Variants in ATP8A1 observed in about 807,000 individuals in gnomAD.
ATP8A1 encodes ATPase phospholipid transporting 8A1, also known as phospholipid-transporting ATPase IA.
In ATP8A1, 90 loss-of-function variants were observed where a neutral mutation model predicts 177.7. The ratio of observed to expected loss-of-function variants is 0.51; its 90% confidence interval spans 0.43 to 0.60. The LOEUF (loss-of-function observed/expected upper bound fraction) is 0.60, where lower values mean the gene tolerates loss of function less well. Among genes scored for constraint, ATP8A1 ranks in the 20% least tolerant of loss-of-function variants. The pLI, the probability that ATP8A1 is intolerant of heterozygous loss-of-function variation, is 0.00. For synonymous variants in ATP8A1, 493 were observed against 485.9 expected, an observed-to-expected ratio of 1.01 and a Z score of -0.19; for missense variants, 1,072 against 1,392.8, an observed-to-expected ratio of 0.77 and a Z score of 3.67.
chr4:42,602,331 C>T (rs1735367360), intron 5 of ATP8A1, among the ~76,000 whole-genome samples: 1 of 152,174 alleles, frequency 6.6e-6, no homozygotes, highest in African/African-American at 2.4e-5. Flanking sequence ...AAATCCCCTG[C>T]TCGATGTTGC....
intron 22 of ATP8A1, among the ~76,000 whole-genome samples, chr4:42,520,773 A>C (rs1726039897): frequency 6.6e-6 from 1 of 152,212 alleles, no homozygotes; most frequent in African/African-American, 2.4e-5. Context: ...CTACATATCT[A>C]TCTCTATATA....
chr4:42,467,068 T>C (rs974816303), intron 25 of ATP8A1, among the ~76,000 whole-genome samples: 6 of 152,210 alleles, frequency 3.9e-5, no homozygotes, highest in Admixed American at 2.6e-4. Context: ...ATAACTAAAC[T>C]TGTAATAAAG....
At chr4:42,486,245 G>A (rs989836944) in intron 24 of ATP8A1, among the ~76,000 whole-genome samples, 8 of 152,136 alleles carry the variant, frequency 5.3e-5, no homozygotes, top group African/African-American at 1.9e-4. Flanking sequence ...AGAGGCAAAG[G>A]TAAAGGAGAA....
intron 6 of ATP8A1, among the ~76,000 whole-genome samples, chr4:42,595,901 G>C (rs1009049411): frequency 3.9e-5 from 6 of 152,170 alleles, no homozygotes; most frequent in Non-Finnish European, 8.8e-5. Context: ...CAATAAAATA[G>C]TAACAATTTA....
At chr4:42,506,675 C>T (rs974714614) in intron 23 of ATP8A1, among the ~76,000 whole-genome samples, 5 of 150,908 alleles carry the variant, frequency 3.3e-5, no homozygotes, top group East Asian at 2.0e-4. Flanking sequence ...TATGGAAGCC[C>T]GAGCTATTAT....
chr4:42,565,253 T>C (rs1344330147), intron 15 of ATP8A1, among the ~76,000 whole-genome samples: 1 of 152,234 alleles, frequency 6.6e-6, no homozygotes, highest in Non-Finnish European at 1.5e-5. Flanking sequence ...AAACATTCTG[T>C]GAAATGGCTG....
In ATP8A1 at chr4:42,418,405, A is replaced by C. The variant is rs375673342; in HGVS notation, c.3306-3687T>G. ...CTTCACACATACTCCAATGATATCC[A>C]AAAATAATTGTCCTGCCTCCAATGA... is the stretch of plus-strand genomic sequence containing the variant. On this transcript the variant is annotated intron_variant, in intron 35 of 36. Coordinates refer to ENST00000381668, the MANE Select transcript of ATP8A1 (RefSeq NM_006095.2). 2.6e-5 allele frequency among the ~76,000 whole-genome samples: 4 copies of C among 152,246 alleles called. No homozygotes were observed. The East Asian group carries it at 7.7e-4, about 29-fold the overall frequency.
chr4:42,559,886 A>T (rs1215319630), intron 15 of ATP8A1, among the ~76,000 whole-genome samples: 4 of 152,148 alleles, frequency 2.6e-5, no homozygotes, highest in African/African-American at 9.7e-5. Flanking sequence ...TTGTATTTTT[A>T]GTAGAGACAA....
At chr4:42,413,060 C>T (rs553131303) in intron 36 of ATP8A1, 47 bp from the exon 37 acceptor site, 1 of 1,505,410 alleles carries the variant, frequency 6.6e-7, no homozygotes, top group Admixed American at 1.7e-5. Flanking sequence ...GCACTGGAAA[C>T]CACCGTTATT....
At chr4:42,626,915 CT>C in intron 2 of ATP8A1, 79 bp downstream of exon 2, 1 of 1,058,154 alleles carries the variant, frequency 9.5e-7, no homozygotes, top group Non-Finnish European at 1.5e-6. Context: ...GCACTGAAAG[CT>C]CTTTGCAAGC....
chr4:42,624,401 T>C (rs1442028081), intron 4 of ATP8A1, 135 bp downstream of exon 4: 1 of 471,310 alleles, frequency 2.1e-6, no homozygotes, highest in Non-Finnish European at 3.7e-6. Flanking sequence ...TAGGAACATA[T>C]TCTAGACATT....
Position 42,623,715 on chromosome 4 carries a change from G to A in ATP8A1, c.363+821C>T, listed in dbSNP as rs907619725. Among the ~76,000 whole-genome samples, 5 of 152,144 alleles carry A rather than the reference G, an allele frequency of 3.3e-5. No homozygotes were observed. In the South Asian group the frequency reaches 8.3e-4, roughly 25 times the overall value. ...CATTGGAGGGTGGAGGGTGGGAGGAGGGAGAGGATCAGGAAAAATAACTAA... is the reference window on the plus strand; with the variant it reads ...CATTGGAGGGTGGAGGGTGGGAGGAAGGAGAGGATCAGGAAAAATAACTAA... On this transcript the variant is annotated intron_variant, in intron 4 of 36. Transcript: ENST00000381668.
At chr4:42,449,517 C>G (rs554118178) in intron 30 of ATP8A1, among the ~76,000 whole-genome samples, 1 of 152,260 alleles carries the variant, frequency 6.6e-6, no homozygotes, top group East Asian at 1.9e-4. Context: ...CTATATATTA[C>G]ACAGCATGTG....
At chr4:42,452,617 G>GTGA (rs1718049110) in intron 29 of ATP8A1, among the ~76,000 whole-genome samples, 1 of 152,106 alleles carries the variant, frequency 6.6e-6, no homozygotes, top group Non-Finnish European at 1.5e-5. Context: ...TTTACTAAAG[G>GTGA]CTTTCACAAT....
chr4:42,486,942 G>C (rs1722257286), intron 24 of ATP8A1, among the ~76,000 whole-genome samples: 1 of 152,110 alleles, frequency 6.6e-6, no homozygotes, highest in African/African-American at 2.4e-5. Flanking sequence ...ATTGCCTAAT[G>C]TCATGTTTCT....
chr4:42,614,633 C>A (rs1736719739), intron 5 of ATP8A1, among the ~76,000 whole-genome samples: 1 of 152,168 alleles, frequency 6.6e-6, no homozygotes, highest in Admixed American at 6.5e-5. Context: ...AACAGCGACT[C>A]AATATCCACA....
chr4:42,459,444 ATTG>A (rs1718847413), intron 27 of ATP8A1: 1 of 259,048 alleles, frequency 3.9e-6, no homozygotes, highest in South Asian at 3.6e-5. Flanking sequence ...AAGCAGATTT[ATTG>A]CTGGCAGTGG....
chr4:42,456,853 C>T (rs1718544217), intron 27 of ATP8A1, among the ~76,000 whole-genome samples: 1 of 152,148 alleles, frequency 6.6e-6, no homozygotes, highest in Non-Finnish European at 1.5e-5. Flanking sequence ...CATTTAACCT[C>T]ATTATGGAAG....
intron 9 of ATP8A1, 138 bp downstream of exon 9, chr4:42,586,211 A>G: frequency 1.1e-6 from 1 of 902,942 alleles, no homozygotes; most frequent in Non-Finnish European, 1.6e-6. Context: ...CTCAGGGCAG[A>G]ATAAAAATGC....
Sources: gnomAD v4.1 joint callset for allele counts (sites outside exome capture counted in the v4.1 genomes callset) on GRCh38, gnomAD v4.1.1 for gene constraint, MANE v1.5 for transcripts, NCBI Gene and HGNC (gene_info 2026-07-23, HGNC 2026-07-21) for gene names.